Variants in TIAM1 observed in about 807,000 individuals in gnomAD.
TIAM1 encodes TIAM Rac1 associated GEF 1.
Under a neutral mutation model 163.5 loss-of-function variants are expected in TIAM1, and 65 were observed. The ratio of observed to expected loss-of-function variants is 0.40; its 90% CI spans 0.33 to 0.49. The LOEUF (loss-of-function observed/expected upper bound fraction) is 0.49. Among genes scored for constraint, TIAM1 ranks in the 20% least tolerant of loss-of-function variants. TIAM1 has a pLI of 0.77. For synonymous variants in TIAM1, 833 were observed against 810.1 expected (o/e 1.03, Z -0.48); for missense variants, 1,789 against 2,044.7 (o/e 0.87, Z 2.41).
At chr21:31,442,070 A>T (rs28868938) in intron 2 of TIAM1, among the ~76,000 whole-genome samples, 654 of 53,090 alleles carry the variant, frequency 0.012, 55 homozygotes, top group African/African-American at 0.037. Flanking sequence ...CAAATAAATA[A>T]ATATATATAT....
In TIAM1 at chr21:31,465,215, T is replaced by A. The variant is rs529057604; in HGVS notation, c.-421-1180A>T. Among the ~76,000 whole-genome samples, 9 of 151,794 alleles carry A rather than the reference T, an allele frequency of 5.9e-5. No individual in the cohort carries two copies. In the South Asian group the frequency reaches 1.7e-3, roughly 28 times the overall value. ...AGCAAGAACCTGTCTCAAAAAAAAA[T>A]TTTTCTTTTCAAAGCTAATATATTC... On this transcript the variant is annotated intron_variant, in intron 1 of 28. Transcript: ENST00000286827.
rs2070418 is a variant in TIAM1, at chr21:31,266,234, C to T, written c.739G>A (p.Gly247Arg). ...AQKNSGVTAN[G>R]GPGSKFAGYC... ...CCTGCAAATTTGCTCCCCGGCCCCC[C>T]GTTTGCTGTCACTCCAGAGTTTTTC... Residue 247 changes from glycine (G) to arginine (R), a missense_variant, in exon 4 of 28, where the codon GGG (glycine) becomes AGG (arginine). Around this residue, in one of 5 missense-constraint regions of TIAM1, gnomAD observed 555 missense variants for 564.9 expected, o/e 0.98. Transcript: ENST00000541036. 0.12 allele frequency: 201,320 copies of T among 1,614,036 alleles called. 17,294 individuals are homozygous for T. The highest frequency in any genetic ancestry group is 0.38 in the East Asian group (16,982 of 44,830).
chr21:31,242,707 C>T (rs1601675696), intron 6 of TIAM1, among the ~76,000 whole-genome samples: 1 of 151,670 alleles, frequency 6.6e-6, no homozygotes, highest in African/African-American at 2.4e-5. Flanking sequence ...TGCAAATAAA[C>T]AATAAACAAC....
At chr21:31,511,332 T>A (rs2047204186) in intron 1 of TIAM1, among the ~76,000 whole-genome samples, 1 of 152,148 alleles carries the variant, frequency 6.6e-6, no homozygotes, top group Admixed American at 6.6e-5. Flanking sequence ...TCAACACTAT[T>A]TCCTTCTAAT....
rs1416627330 is a variant in TIAM1 at position 31,252,107 on chromosome 21, C to G, written c.1046G>C (p.Arg349Pro). The G allele has an allele frequency of 6.2e-7, 1 of 1,613,696 alleles. No individual in the cohort carries two copies. The highest frequency in any genetic ancestry group is 8.5e-7 in the Non-Finnish European group (1 of 1,180,020). Residue 349 changes from arginine (R) to proline (P), a missense_variant, in exon 5 of 28, where the codon CGA (arginine) becomes CCA (proline). Coordinates refer to ENST00000541036, the MANE Select transcript of TIAM1 (RefSeq NM_001353694.2). ...GTAGCTGGAGTTGGTGGCATTAGAT[C>G]GCCTGGACAGGAGGTCCGTGTCGGT... is the stretch of plus-strand genomic sequence containing the variant. ...ATTDTDLLSRRSNATNSSYSP... is the reference protein window; with the variant it reads ...ATTDTDLLSRPSNATNSSYSP...
Position 31,130,203 on chromosome 21 carries a change from G to A in TIAM1, c.4045+10C>T, listed in dbSNP as rs2082357939. 1.9e-6 allele frequency: 3 copies of A among 1,611,640 alleles called. No individual in the cohort carries two copies. The highest frequency in any genetic ancestry group is 1.7e-5 in the Admixed American group (1 of 59,958). ...TGTGTGTGAAATACCCAGCACAGGT[G>A]AGAGTTTACCTGCACTCGCCAAAGC... On this transcript the variant is annotated intron_variant, in intron 25 of 27. Coordinates refer to ENST00000541036, the MANE Select transcript of TIAM1 (RefSeq NM_001353694.2).
intron 2 of TIAM1, among the ~76,000 whole-genome samples, chr21:31,363,253 CAG>C (rs1453555157): frequency 1.3e-5 from 2 of 152,144 alleles, no homozygotes; most frequent in Non-Finnish European, 2.9e-5. Flanking sequence ...GGATGAAAGA[CAG>C]AGAGCATTTG....
chr21:31,456,598 C>T (rs1043989611), intron 2 of TIAM1, among the ~76,000 whole-genome samples: 5 of 147,074 alleles, frequency 3.4e-5, no homozygotes, highest in Admixed American at 6.8e-5. Flanking sequence ...TACAGTTGAT[C>T]AACTTTCATG....
chr21:31,314,231 C>A (rs189687218), intron 2 of TIAM1, among the ~76,000 whole-genome samples: 301 of 152,252 alleles, frequency 2.0e-3, no homozygotes, highest in African/African-American at 7.0e-3. Context: ...ATCACACTGA[C>A]CCTTGGCAAG....
intron 2 of TIAM1, among the ~76,000 whole-genome samples, chr21:31,332,023 T>C (rs2075692567): frequency 6.6e-6 from 1 of 152,220 alleles, no homozygotes; most frequent in Admixed American, 6.5e-5. Context: ...TCTCTTCACC[T>C]GGCTAGTAAC....
intron 1 of TIAM1, among the ~76,000 whole-genome samples, chr21:31,522,305 G>A (rs958450814): frequency 7.3e-5 from 11 of 151,346 alleles, no homozygotes; most frequent in Admixed American, 2.6e-4. Flanking sequence ...TCAAAAGTTC[G>A]AGACCAGTCT....
intron 2 of TIAM1, among the ~76,000 whole-genome samples, chr21:31,431,327 T>A (rs78391451): frequency 0.06 from 9,176 of 152,234 alleles, 901 homozygotes; most frequent in African/African-American, 0.21. Context: ...GTTAAACCTC[T>A]AGTTGTTGGG....
At chr21:31,517,987 C>T (rs537046744) in intron 1 of TIAM1, among the ~76,000 whole-genome samples, 3 of 152,170 alleles carry the variant, frequency 2.0e-5, no homozygotes, top group East Asian at 1.9e-4. Context: ...CTCACCGCCC[C>T]TTCGAGTCTT....
At chr21:31,184,466 G>A (rs73191665) in intron 14 of TIAM1, among the ~76,000 whole-genome samples, 11 of 152,244 alleles carry the variant, frequency 7.2e-5, no homozygotes, top group Middle Eastern at 3.4e-3. Context: ...GCCAGGTGTT[G>A]GGATCGTGTT....
At position 31,127,053 on chromosome 21, in the gene TIAM1, G is replaced by A. The variant is rs922256693; in HGVS notation, c.4133+12C>T. 6.8e-6 allele frequency: 11 copies of A among 1,613,496 alleles called. No homozygotes were observed. Among genetic ancestry groups the A allele is most frequent in the Non-Finnish European group, 9.3e-6 (11 of 1,179,634 alleles). On this transcript the variant is annotated intron_variant, in intron 26 of 27. Coordinates refer to ENST00000541036, the MANE Select transcript of TIAM1 (RefSeq NM_001353694.2). ...TGTCAACACGGCCTCGACTTTACAG[G>A]CCCAGGCTCACCTGCAGCACAAGTG...
chr21:31,408,116 AGTTCT>A (rs755577329), intron 2 of TIAM1, among the ~76,000 whole-genome samples: 2 of 152,344 alleles, frequency 1.3e-5, no homozygotes, highest in South Asian at 4.1e-4. Context: ...CAAAGACATC[AGTTCT>A]GTTAAAAACC....
intron 2 of TIAM1, among the ~76,000 whole-genome samples, chr21:31,406,835 A>AT (rs1397486986): frequency 1.3e-5 from 2 of 152,144 alleles, no homozygotes; most frequent in Non-Finnish European, 2.9e-5. Context: ...AAACTCCCAA[A>AT]TACACTGCCC....
intron 2 of TIAM1, among the ~76,000 whole-genome samples, chr21:31,293,135 T>C (rs1374069086): frequency 6.6e-6 from 1 of 152,148 alleles, no homozygotes; most frequent in Non-Finnish European, 1.5e-5. Context: ...AGATTTACTT[T>C]AAAGAATTGG....
chr21:31,179,741 C>T (rs2084927335), intron 15 of TIAM1, among the ~76,000 whole-genome samples: 4 of 151,988 alleles, frequency 2.6e-5, no homozygotes, highest in Admixed American at 2.6e-4. Flanking sequence ...CAACTGTATA[C>T]ACAGAAATAC....
Sources: gnomAD v4.1 joint callset for allele counts (sites outside exome capture counted in the v4.1 genomes callset) on GRCh38, gnomAD v4.1.1 for gene constraint, gnomAD v4.1.1 regional missense constraint, MANE v1.5 for transcripts, NCBI Gene and HGNC (gene_info 2026-07-23, HGNC 2026-07-21) for gene names.